Variants in GRIK1 observed in about 807,000 individuals in gnomAD.
GRIK1 encodes the protein glutamate receptor ionotropic, kainate 1.
A neutral mutation model predicts 105.7 loss-of-function variants in GRIK1; 69 were observed. The ratio of observed to expected loss-of-function variants is 0.65; its 90% CI spans 0.54 to 0.80. The LOEUF (loss-of-function observed/expected upper bound fraction) is 0.80. Among genes scored for constraint, GRIK1 ranks in the 30% least tolerant of loss-of-function variants. The pLI is 0.00. For synonymous variants in GRIK1, 438 were observed against 431.3 expected (o/e 1.02, Z -0.19); for missense variants, 1,109 against 1,167.3 (o/e 0.95, Z 0.73).
At chr21:29,886,457 T>C (rs2069632961) in intron 1 of GRIK1, among the ~76,000 whole-genome samples, 3 of 152,114 alleles carry the variant, frequency 2.0e-5, no homozygotes. Flanking sequence ...ACCAGCACAC[T>C]TCTGTCAGGA....
intron 1 of GRIK1, among the ~76,000 whole-genome samples, chr21:29,874,411 A>G (rs999458253): frequency 3.9e-5 from 6 of 152,342 alleles, no homozygotes; most frequent in Admixed American, 1.3e-4. Flanking sequence ...GGGCGAGGCC[A>G]GATGCAGACC....
intron 1 of GRIK1, among the ~76,000 whole-genome samples, chr21:29,713,214 A>C (rs1418928779): frequency 6.6e-6 from 1 of 152,146 alleles, no homozygotes; most frequent in Non-Finnish European, 1.5e-5. Flanking sequence ...CTAAAAAAAA[A>C]ATTCTTAATG....
At chr21:29,798,149 C>T (rs1387385164) in intron 1 of GRIK1, among the ~76,000 whole-genome samples, 1 of 152,164 alleles carries the variant, frequency 6.6e-6, no homozygotes, top group Non-Finnish European at 1.5e-5. Flanking sequence ...TATCTACTGT[C>T]TTTTATAATA....
chr21:29,658,808 G>C (rs1282046745), intron 4 of GRIK1, among the ~76,000 whole-genome samples: 1 of 152,098 alleles, frequency 6.6e-6, no homozygotes, highest in African/African-American at 2.4e-5. Context: ...GGCTTGGGTG[G>C]GGGTATGTGC....
intron 3 of GRIK1, among the ~76,000 whole-genome samples, chr21:29,674,063 T>C (rs990153303): frequency 9.0e-6 from 1 of 110,826 alleles, no homozygotes; most frequent in Non-Finnish European, 1.8e-5. Flanking sequence ...AAAAATTGAG[T>C]TTTTTTTTTT....
At chr21:29,876,435 A>G (rs187228858) in intron 1 of GRIK1, among the ~76,000 whole-genome samples, 16 of 152,268 alleles carry the variant, frequency 1.1e-4, no homozygotes, top group African/African-American at 3.1e-4. Context: ...TGCTGTAATT[A>G]TCTTGATTCC....
At chr21:29,717,665 C>G (rs146357878) in intron 1 of GRIK1, among the ~76,000 whole-genome samples, 71 of 152,318 alleles carry the variant, frequency 4.7e-4, no homozygotes, top group Middle Eastern at 3.4e-3. Context: ...AAACAACTAA[C>G]TTGCTTTTGA....
rs1568815221 is a variant in GRIK1 at position 29,560,507 on chromosome 21, C to CTTTCTTTCTTTCTTTCTTTCTTT, written c.2356+1116_2356+1117insAAAGAAAGAAAGAAAGAAAGAAA. Among the ~76,000 whole-genome samples the CTTTCTTTCTTTCTTTCTTTCTTT allele has an allele frequency of 5.3e-4, 16 of 30,130 alleles. 4 individuals are homozygous for CTTTCTTTCTTTCTTTCTTTCTTT. The highest frequency in any genetic ancestry group is 2.5e-3 in the East Asian group (3 of 1,204). 19.8% of individuals were successfully genotyped at this position (30,130 alleles called of 152,430 possible). A position where few individuals can be genotyped will look rare whatever the true frequency, so the allele number is the denominator to read the frequency against. On this transcript the variant is annotated intron_variant, in intron 15 of 17. Coordinates refer to ENST00000327783, the MANE Select transcript of GRIK1 (RefSeq NM_001330994.2). ...CCTTTCTTTCTTTCTTTCCTTCCTT[C>CTTTCTTTCTTTCTTTCTTTCTTT]CTTCCTTCCTTCCTTTCTTTCTTTC... is the stretch of plus-strand genomic sequence containing the variant.
intron 2 of GRIK1, among the ~76,000 whole-genome samples, chr21:29,692,825 G>C (rs180761433): frequency 6.6e-6 from 1 of 152,082 alleles, no homozygotes; most frequent in African/African-American, 2.4e-5. Context: ...CACCTGCCTC[G>C]GCCACCCAAA....
chr21:29,900,462 G>GAAAAAAAAAAAA (rs796090417), intron 1 of GRIK1, among the ~76,000 whole-genome samples: 1 of 76,934 alleles, frequency 1.3e-5, no homozygotes, highest in African/African-American at 3.8e-5. Flanking sequence ...TGGAAAGCAA[G>GAAAAAAAAAAAA]AAAAAAAAAA....
intron 6 of GRIK1, among the ~76,000 whole-genome samples, chr21:29,648,545 T>C (rs1352892105): frequency 6.8e-6 from 1 of 147,966 alleles, no homozygotes; most frequent in Non-Finnish European, 1.5e-5. Context: ...ATTAAATACA[T>C]ATTTATTGAC....
chr21:29,824,820 G>A (rs761643010), intron 1 of GRIK1, among the ~76,000 whole-genome samples: 7 of 151,894 alleles, frequency 4.6e-5, no homozygotes, highest in Non-Finnish European at 7.4e-5. Context: ...AAGAACAGCC[G>A]GTCGACTTTA....
intron 1 of GRIK1, among the ~76,000 whole-genome samples, chr21:29,863,983 G>A (rs531918318): frequency 1.1e-4 from 16 of 151,988 alleles, no homozygotes; most frequent in African/African-American, 3.6e-4. Flanking sequence ...ATAGGAATTC[G>A]TTGTTGTCTA....
At chr21:29,837,457 A>ATT (rs1359818016) in intron 1 of GRIK1, among the ~76,000 whole-genome samples, 1 of 152,142 alleles carries the variant, frequency 6.6e-6, no homozygotes, top group Non-Finnish European at 1.5e-5. Context: ...TAAATATGTG[A>ATT]TTATATTGAG....
At chr21:29,782,289 T>C (rs1448652667) in intron 1 of GRIK1, among the ~76,000 whole-genome samples, 3 of 152,092 alleles carry the variant, frequency 2.0e-5, no homozygotes, top group Non-Finnish European at 4.4e-5. Flanking sequence ...GGTTTCACCG[T>C]GTTAGCCAGG....
intron 6 of GRIK1, among the ~76,000 whole-genome samples, chr21:29,645,499 T>C (rs1345996442): frequency 6.6e-6 from 1 of 152,210 alleles, no homozygotes; most frequent in Non-Finnish European, 1.5e-5. Flanking sequence ...GCGGGCTCCA[T>C]ATTGGGAAAG....
chr21:29,790,960 G>C lies in GRIK1; in HGVS notation c.119-96897C>G, dbSNP rs1486810207. ...TGGGAAAAAAGTAAACAGGGTAATAGAAAGATGCTTGGGAAGGAGAGGGGG... is the reference window on the plus strand; with the variant it reads ...TGGGAAAAAAGTAAACAGGGTAATACAAAGATGCTTGGGAAGGAGAGGGGG... On this transcript the variant is annotated intron_variant, in intron 1 of 17. Transcript: ENST00000327783. 2.0e-5 allele frequency among the ~76,000 whole-genome samples: 3 copies of C among 152,178 alleles called. No individual in the cohort carries two copies. The East Asian group carries it at 5.8e-4, about 29-fold the overall frequency.
At chr21:29,939,035 A>G (rs570892409) in intron 1 of GRIK1, among the ~76,000 whole-genome samples, 2 of 151,996 alleles carry the variant, frequency 1.3e-5, no homozygotes, top group East Asian at 3.9e-4. Flanking sequence ...AGGCTGGGAG[A>G]GCTCATTTCT....
chr21:29,592,798 T>C (rs75411782), intron 9 of GRIK1, among the ~76,000 whole-genome samples: 326 of 152,254 alleles, frequency 2.1e-3, no homozygotes, highest in African/African-American at 7.5e-3. Context: ...TACCCTGTCA[T>C]GAAGGAATCT....
Sources: gnomAD v4.1 joint callset for allele counts (sites outside exome capture counted in the v4.1 genomes callset) on GRCh38, gnomAD v4.1.1 for gene constraint, MANE v1.5 for transcripts, NCBI Gene and HGNC (gene_info 2026-07-23, HGNC 2026-07-21) for gene names.